NTN1: variants seen among roughly 807,000 people sequenced by gnomAD.
The protein encoded by NTN1 is netrin 1.
A neutral mutation model predicts 54.2 loss-of-function variants in NTN1; 11 were observed. The observed-to-expected ratio is 0.20, with a 90% CI of 0.13 to 0.34. The LOEUF is 0.34. Ranked by LOEUF, NTN1 falls within the 10% of genes least tolerant of loss-of-function variation. NTN1 has a pLI of 1.00. For missense variants in NTN1, 740 were observed against 893.1 expected (o/e 0.83, Z 2.18); for synonymous variants, 371 against 382.0 (o/e 0.97, Z 0.33).
intron 1 of NTN1, among the ~76,000 whole-genome samples, chr17:9,021,966 G>T (rs1191847215): frequency 2.6e-5 from 4 of 152,228 alleles, no homozygotes; most frequent in Admixed American, 2.6e-4. Context: ...GGGCCGTGCA[G>T]AGTCGGGGTC....
At chr17:9,079,688 G>C (rs986464732) in intron 2 of NTN1, among the ~76,000 whole-genome samples, 3 of 150,404 alleles carry the variant, frequency 2.0e-5, no homozygotes, top group African/African-American at 7.4e-5. Context: ...CTGTTTCCTG[G>C]TTCCCCCTGG....
At chr17:9,056,114 C>T (rs542055247) in intron 2 of NTN1, among the ~76,000 whole-genome samples, 71 of 151,984 alleles carry the variant, frequency 4.7e-4, no homozygotes, top group African/African-American at 1.4e-3. Flanking sequence ...TGGAGTACAA[C>T]GGCGTGACCT....
intron 2 of NTN1, among the ~76,000 whole-genome samples, chr17:9,037,287 A>G (rs1349857480): frequency 6.6e-6 from 1 of 152,094 alleles, no homozygotes; most frequent in Non-Finnish European, 1.5e-5. Context: ...AACTTTTCCT[A>G]TAGTCTTTGT....
intron 2 of NTN1, among the ~76,000 whole-genome samples, chr17:9,051,610 ATAC>A (rs1456670600): frequency 6.6e-6 from 1 of 152,246 alleles, no homozygotes; most frequent in Admixed American, 6.5e-5. Context: ...AAGTTTTGCT[ATAC>A]ATATGCATTG....
chr17:9,033,135 G>T (rs1033331031), intron 2 of NTN1, among the ~76,000 whole-genome samples: 1 of 151,936 alleles, frequency 6.6e-6, no homozygotes. Context: ...TATATTTTTA[G>T]TAGAGATGGG....
At chr17:9,203,191 G>A (rs936338558) in intron 5 of NTN1, among the ~76,000 whole-genome samples, 6 of 152,114 alleles carry the variant, frequency 3.9e-5, no homozygotes, top group African/African-American at 1.4e-4. Flanking sequence ...AAAGTGCTGG[G>A]ATTACAGGTG....
chr17:9,117,668 C>T (rs1380667059), intron 2 of NTN1, among the ~76,000 whole-genome samples: 4 of 149,742 alleles, frequency 2.7e-5, no homozygotes, highest in Admixed American at 1.3e-4. Flanking sequence ...CACTTGAACT[C>T]GGGAGGCGGA....
At chr17:9,116,769 T>C (rs1482946038) in intron 2 of NTN1, among the ~76,000 whole-genome samples, 1 of 152,120 alleles carries the variant, frequency 6.6e-6, no homozygotes, top group Non-Finnish European at 1.5e-5. Flanking sequence ...GGAAAATACC[T>C]CTTCTCTTCT....
intron 5 of NTN1, among the ~76,000 whole-genome samples, chr17:9,220,875 C>G (rs1313460673): frequency 7.5e-6 from 1 of 133,980 alleles, no homozygotes; most frequent in African/African-American, 2.8e-5. Context: ...CTCAGAAGCC[C>G]TGGGTGGCAG....
chr17:9,119,955 T>A (rs2092227065), intron 2 of NTN1, among the ~76,000 whole-genome samples: 1 of 152,168 alleles, frequency 6.6e-6, no homozygotes, highest in African/African-American at 2.4e-5. Context: ...ACAGATGTTT[T>A]GCCCAGTTTT....
intron 6 of NTN1, among the ~76,000 whole-genome samples, chr17:9,224,386 A>G (rs1597547144): frequency 6.6e-6 from 1 of 152,012 alleles, no homozygotes; most frequent in South Asian, 2.1e-4. Flanking sequence ...TGGGGCGGGG[A>G]AGGGTGGGGC....
At chr17:9,151,946 G>A (rs1036765463) in intron 2 of NTN1, among the ~76,000 whole-genome samples, 1 of 152,210 alleles carries the variant, frequency 6.6e-6, no homozygotes, top group Non-Finnish European at 1.5e-5. Flanking sequence ...GCATCAATCA[G>A]CCCGAGTCTA....
In NTN1 at chr17:9,165,116, G is replaced by A. The variant is rs924294440; in HGVS notation, c.1207+2115G>A. ...TTACCCAACAGCGGCCACTCAGGTG[G>A]GCAGTCCTGTGCCTGAGAGTGAGAA... On this transcript the variant is annotated intron_variant, in intron 3 of 6. Coordinates refer to ENST00000173229, the MANE Select transcript of NTN1 (RefSeq NM_004822.3). The surrounding 1 kb of genome is among the most constrained non-coding windows in gnomAD (Gnocchi z 4.5). Among the ~76,000 whole-genome samples the A allele has an allele frequency of 6.7e-6, 1 of 149,370 alleles. No homozygotes were observed. The highest frequency in any genetic ancestry group is 1.5e-5 in the Non-Finnish European group (1 of 68,022).
chr17:9,081,637 G>C lies in NTN1; in HGVS notation c.1018+58246G>C, dbSNP rs55817039. 5.1e-3 allele frequency among the ~76,000 whole-genome samples: 774 copies of C among 152,246 alleles called. 7 individuals carry two copies. The highest frequency in any genetic ancestry group is 0.017 in the African/African-American group (720 of 41,542). ...GTTAACGAGGAAGCCGACTGCTGTC[G>C]CAGAGAGAGCTCTGGCCTCAGGTGG... On this transcript the variant is annotated intron_variant, in intron 2 of 6. Transcript: ENST00000173229.
chr17:9,140,328 G>A (rs2092294131), intron 2 of NTN1, among the ~76,000 whole-genome samples: 1 of 152,200 alleles, frequency 6.6e-6, no homozygotes, highest in South Asian at 2.1e-4. Context: ...TGCACCCCCT[G>A]CCCTGGTGCT....
intron 5 of NTN1, among the ~76,000 whole-genome samples, chr17:9,195,905 A>G (rs1394573132): frequency 6.6e-6 from 1 of 152,098 alleles, no homozygotes; most frequent in East Asian, 1.9e-4. Context: ...CATCACTGCA[A>G]TCCTTTACTG....
At chr17:9,079,191 C>A (rs946407962) in intron 2 of NTN1, among the ~76,000 whole-genome samples, 1 of 152,200 alleles carries the variant, frequency 6.6e-6, no homozygotes, top group Non-Finnish European at 1.5e-5. Context: ...TTCTGTAGAC[C>A]CCCTGTTGCT....
intron 2 of NTN1, among the ~76,000 whole-genome samples, chr17:9,044,241 T>C (rs2091933468): frequency 6.6e-6 from 1 of 152,078 alleles, no homozygotes; most frequent in Non-Finnish European, 1.5e-5. Context: ...GTACTTTTTT[T>C]TTTTCCTTTT....
chr17:9,084,465 G>A (rs753071417), intron 2 of NTN1, among the ~76,000 whole-genome samples: 14 of 152,120 alleles, frequency 9.2e-5, no homozygotes, highest in Non-Finnish European at 1.8e-4. Flanking sequence ...ACAGGACGCT[G>A]TCACCGGGTG....
Sources: allele counts gnomAD v4.1 joint callset (sites outside exome capture counted in the v4.1 genomes callset), GRCh38; gene constraint gnomAD v4.1.1; non-coding constraint Gnocchi (gnomAD v3.1); transcripts MANE v1.5; gene names NCBI Gene and HGNC (gene_info 2026-07-23, HGNC 2026-07-21).